MLIP: variants seen among roughly 807,000 people sequenced by gnomAD.
The protein encoded by MLIP is muscular LMNA-interacting protein.
Under a neutral mutation model 84.8 loss-of-function variants are expected in MLIP, and 79 were observed. The observed-to-expected ratio is 0.93, with a 90% confidence interval of 0.78 to 1.12. MLIP has a LOEUF of 1.12. MLIP is among the 50% of genes most tolerant of loss of function. MLIP has a pLI of 0.00. For missense variants in MLIP, 1,257 were observed against 1,160.6 expected (o/e 1.08, Z -1.21); for synonymous variants, 504 against 463.0 (o/e 1.09, Z -1.14).
chr6:54,091,524 G>T (rs1436864299), intron 1 of MLIP, among the ~76,000 whole-genome samples: 1 of 152,176 alleles, frequency 6.6e-6, no homozygotes, highest in Non-Finnish European at 1.5e-5. Context: ...AAGGAATCTA[G>T]CTGGGAGACT....
chr6:54,219,432 A>ACAAGACAT (rs1780082679), intron 11 of MLIP, among the ~76,000 whole-genome samples: 2 of 141,948 alleles, frequency 1.4e-5, no homozygotes, highest in Non-Finnish European at 3.0e-5. Flanking sequence ...GGTCAGGATC[A>ACAAGACAT]CAAGACATCA....
intron 12 of MLIP, among the ~76,000 whole-genome samples, chr6:54,242,719 A>G (rs1200272425): frequency 1.3e-5 from 2 of 152,142 alleles, no homozygotes; most frequent in African/African-American, 4.8e-5. Flanking sequence ...GATGTGAAAA[A>G]TCTTTTATGA....
intron 11 of MLIP, chr6:54,216,348 C>A (rs1459409304): frequency 1.0e-6 from 1 of 985,324 alleles, no homozygotes. Context: ...ATCCTAAACA[C>A]CTCCACATGG....
chr6:54,243,833 G>T (rs752253969), intron 12 of MLIP, among the ~76,000 whole-genome samples: 6 of 152,094 alleles, frequency 3.9e-5, no homozygotes, highest in Non-Finnish European at 8.8e-5. Context: ...AATTGCTGAG[G>T]CCATCTGACT....
chr6:54,079,026 A>G (rs973505387), intron 1 of MLIP, among the ~76,000 whole-genome samples: 1 of 152,184 alleles, frequency 6.6e-6, no homozygotes, highest in Non-Finnish European at 1.5e-5. Context: ...AATGTTGCAC[A>G]AAATATTTGG....
intron 1 of MLIP, among the ~76,000 whole-genome samples, chr6:54,040,816 A>G (rs2150301012): frequency 6.6e-6 from 1 of 152,254 alleles, no homozygotes; most frequent in Middle Eastern, 3.4e-3. Context: ...ATGAAGAAAC[A>G]GAAAACCAAA....
chr6:54,075,001 A>G (rs544053338), intron 1 of MLIP, among the ~76,000 whole-genome samples: 1 of 152,086 alleles, frequency 6.6e-6, no homozygotes, highest in Non-Finnish European at 1.5e-5. Context: ...TAATCCCAGC[A>G]CTTTGGGAGG....
rs554655865 is a variant in MLIP, at chr6:54,089,913, TCTTATAGCAGTAGGGTC to T, written c.64-31531_64-31515del. 4.9e-3 allele frequency among the ~76,000 whole-genome samples: 740 copies of T among 152,202 alleles called. 4 individuals carry two copies. Among genetic ancestry groups the T allele is most frequent in the African/African-American group, 0.017 (690 of 41,554 alleles). On this transcript the variant is annotated intron_variant, in intron 1 of 12. Transcript: ENST00000274897. ...TGTCTTAAGTCTCTGAATTGAGCTT[TCTTATAGCAGTAGGGTC>T]CTCATCGTCTGCATACACCACTACC...
intron 1 of MLIP, among the ~76,000 whole-genome samples, chr6:54,065,903 T>C (rs1766207762): frequency 1.5e-5 from 1 of 67,786 alleles, no homozygotes; most frequent in African/African-American, 3.5e-5. Context: ...TATGTAGTCT[T>C]TTTTTTGATA....
At chr6:54,127,783 A>G (rs1274357755) in intron 3 of MLIP, among the ~76,000 whole-genome samples, 1 of 152,194 alleles carries the variant, frequency 6.6e-6, no homozygotes, top group African/African-American at 2.4e-5. Context: ...TCTTACGTTA[A>G]AAAAATCACT....
chr6:54,098,812 G>T (rs776646361), intron 1 of MLIP, among the ~76,000 whole-genome samples: 1 of 152,102 alleles, frequency 6.6e-6, no homozygotes, highest in Non-Finnish European at 1.5e-5. Context: ...TTCCAAAGGC[G>T]TATGTAACTC....
chr6:54,032,460 A>C (rs1413966772), intron 1 of MLIP: 1 of 152,140 alleles, frequency 6.6e-6, no homozygotes, highest in African/African-American at 2.4e-5. Flanking sequence ...CATACACAAT[A>C]ATGATGAGGT....
At chr6:54,151,218 A>G (rs749793497) in intron 5 of MLIP, among the ~76,000 whole-genome samples, 30 of 152,022 alleles carry the variant, frequency 2.0e-4, no homozygotes, top group Admixed American at 3.9e-4. Context: ...TGGCTTTCCC[A>G]TGTTATGTGT....
In MLIP at chr6:54,248,968, G is replaced by A. The variant is rs573600049; in HGVS notation, c.2923-8340G>A. Among the ~76,000 whole-genome samples the A allele has an allele frequency of 1.3e-3, 196 of 152,152 alleles. 1 individual carries two copies. Among genetic ancestry groups the A allele is most frequent in the African/African-American group, 4.5e-3 (186 of 41,522 alleles). On this transcript the variant is annotated intron_variant, in intron 12 of 13. Transcript: ENST00000502396. Reference sequence around the variant, plus strand: ...CAAAAGAATGTAGTGAAACTTAATAGTTTGTAACAGTTCATACAAGGAATA... The same window carrying A: ...CAAAAGAATGTAGTGAAACTTAATAATTTGTAACAGTTCATACAAGGAATA...
At chr6:54,085,612 A>G (rs2150363300) in intron 1 of MLIP, among the ~76,000 whole-genome samples, 1 of 152,304 alleles carries the variant, frequency 6.6e-6, no homozygotes, top group East Asian at 1.9e-4. Flanking sequence ...CAGTGAGATT[A>G]AAGGGTGGAA....
intron 12 of MLIP, among the ~76,000 whole-genome samples, chr6:54,240,529 C>T (rs189804942): frequency 2.6e-5 from 4 of 152,232 alleles, no homozygotes; most frequent in South Asian, 4.1e-4. Flanking sequence ...ACATAATTTA[C>T]GTAAATGTTA....
Position 54,066,481 on chromosome 6 carries a change from G to A in MLIP, c.63+47390G>A, listed in dbSNP as rs1766232002. 2.0e-5 allele frequency among the ~76,000 whole-genome samples: 2 copies of A among 99,576 alleles called. 1 individual carries two copies. Among genetic ancestry groups the A allele is most frequent in the Admixed American group, 1.9e-4 (2 of 10,624 alleles). 65.3% of individuals were successfully genotyped at this position (99,576 alleles called of 152,430 possible). A position where few individuals can be genotyped will look rare whatever the true frequency, so the allele number is the denominator to read the frequency against. Reference sequence around the variant, plus strand: ...GGGAAAGAAATTCTAAGCAGTATGTGTGTGTGTCTGTGTGTCGGTGTGTGT... The same window carrying A: ...GGGAAAGAAATTCTAAGCAGTATGTATGTGTGTCTGTGTGTCGGTGTGTGT... On this transcript the variant is annotated intron_variant, in intron 1 of 12. Coordinates refer to the MLIP transcript ENST00000274897.
At chr6:54,196,518 T>C (rs1304006387) in intron 10 of MLIP, among the ~76,000 whole-genome samples, 1 of 152,140 alleles carries the variant, frequency 6.6e-6, no homozygotes, top group Non-Finnish European at 1.5e-5. Context: ...CATGATCTCA[T>C]TCCTTTTTAT....
rs565198491 is a variant in MLIP at position 54,042,254 on chromosome 6, G to A, written c.63+23163G>A. 2.5e-3 allele frequency among the ~76,000 whole-genome samples: 375 copies of A among 152,138 alleles called. 11 individuals are homozygous for A. The highest frequency in any genetic ancestry group is 2.1e-4 in the Non-Finnish European group (14 of 67,982). ...ATGTAATAAATGTTGTCTGGACTAA[G>A]TTTTCCTATTACCTAAAGCATCTCT... On this transcript the variant is annotated intron_variant, in intron 1 of 12. Coordinates refer to the MLIP transcript ENST00000274897.
Sources: gnomAD v4.1 joint callset for allele counts (sites outside exome capture counted in the v4.1 genomes callset) on GRCh38, gnomAD v4.1.1 for gene constraint, MANE v1.5 for transcripts, NCBI Gene and HGNC (gene_info 2026-07-23, HGNC 2026-07-21) for gene names.